TRIM16: variants seen among roughly 807,000 people sequenced by gnomAD.
TRIM16 encodes the protein tripartite motif-containing protein 16.
A neutral mutation model predicts 50.4 loss-of-function variants in TRIM16; 33 were observed. That is an observed-to-expected ratio of 0.65 (90% CI 0.50 to 0.88). The LOEUF (loss-of-function observed/expected upper bound fraction) is 0.88, where lower values mean the gene tolerates loss of function less well. Ranked by LOEUF, TRIM16 falls within the 40% of genes least tolerant of loss-of-function variation. The pLI is 0.00. For missense variants in TRIM16, 581 were observed against 686.8 expected, an observed-to-expected ratio of 0.85 and a Z score of 1.72; for synonymous variants, 229 against 270.7, an observed-to-expected ratio of 0.85 and a Z score of 1.51.
intron 6 of TRIM16, among the ~76,000 whole-genome samples, chr17:15,661,546 G>C (rs1879489538): frequency 6.6e-6 from 1 of 152,170 alleles, no homozygotes; most frequent in South Asian, 2.1e-4. Flanking sequence ...CTGGGGCACT[G>C]TCTTCCACTG....
intron 9 of TRIM16, among the ~76,000 whole-genome samples, chr17:15,634,134 T>C (rs1249526825): frequency 3.5e-5 from 5 of 142,944 alleles, no homozygotes; most frequent in Non-Finnish European, 6.1e-5. Flanking sequence ...TCGAGACCAT[T>C]CTGGCTAACA....
At chr17:15,634,487 C>T (rs377257432) in intron 9 of TRIM16, among the ~76,000 whole-genome samples, 4 of 147,822 alleles carry the variant, frequency 2.7e-5, no homozygotes, top group Non-Finnish European at 6.0e-5. Context: ...AAAAATTAGC[C>T]GGGCATGGTG....
Position 15,637,957 on chromosome 17 carries a change from T to C in TRIM16, c.616-1688A>G, listed in dbSNP as rs369993193. Among the ~76,000 whole-genome samples the C allele has an allele frequency of 2.1e-5, 3 of 141,896 alleles. 1 individual carries two copies. The East Asian group carries it at 6.4e-4, about 30-fold the overall frequency. 93.1% of individuals were successfully genotyped at this position (141,896 alleles called of 152,430 possible). A position where few individuals can be genotyped will look rare whatever the true frequency, so the allele number is the denominator to read the frequency against. On this transcript the variant is annotated intron_variant, in intron 8 of 11. Coordinates refer to ENST00000649191, the MANE Select transcript of TRIM16 (RefSeq NM_001348119.1). ...TGATCTGTGACCTTACCCCCAACCC[T>C]GTGCTCTCTGAAACATGTGCTGTGT...
chr17:15,679,875 T>C (rs1989109575), intron 4 of TRIM16, among the ~76,000 whole-genome samples: 1 of 150,282 alleles, frequency 6.7e-6, no homozygotes. Flanking sequence ...AGGCGGAGCT[T>C]GCAGTGAGCT....
chr17:15,628,853 G>A lies in TRIM16; in HGVS notation c.1457C>T (p.Pro486Leu). 1.2e-6 allele frequency: 2 copies of A among 1,614,216 alleles called. No homozygotes were observed. The highest frequency in any genetic ancestry group is 3.3e-5 in the Admixed American group (2 of 60,024). ...CCTCCGGAAAGGGCCAGCTTTGAGT[G>A]GGGTCTCCATGTCACTGTACCAGGC... ...FTAWYSDMETPLKAGPFRRLG... is the reference protein window; with the variant it reads ...FTAWYSDMETLLKAGPFRRLG... Residue 486 changes from proline (P) to leucine (L), a missense_variant, in exon 12 of 12, where the codon CCA becomes CTA. Transcript: ENST00000649191.
Position 15,642,782 on chromosome 17 carries a change from C to T in TRIM16, c.554G>A (p.Arg185Gln), listed in dbSNP as rs544165543. 50 of 756,978 alleles carry T rather than the reference C, an allele frequency of 6.6e-5. 2 individuals are homozygous for T. The highest frequency in any genetic ancestry group is 1.5e-4 in the South Asian group (9 of 58,348). The allele number at this position is 756,978 out of a possible 1,614,324, so 46.9% of individuals were successfully genotyped here. A position where few individuals can be genotyped will look rare whatever the true frequency, so the allele number is the denominator to read the frequency against. The change falls in exon 8 of 12, where the codon CGG (arginine) becomes CAG (glutamine). Residue 185 changes from arginine to glutamine, a missense_variant. By Grantham distance (43) the Arg-to-Gln change is conservative. Transcript: ENST00000649191. Reference protein sequence around the residue: ...ELQCTQLDLERKLKLNENAIS... With the variant: ...ELQCTQLDLEQKLKLNENAIS... Reference sequence around the variant, plus strand: ...GGCATTTTCATTCAACTTGAGTTTCCGCTCCAAGTCTAACTGGGTGCACTG... The same window carrying T: ...GGCATTTTCATTCAACTTGAGTTTCTGCTCCAAGTCTAACTGGGTGCACTG...
intron 4 of TRIM16, among the ~76,000 whole-genome samples, chr17:15,680,328 A>AGGCCCTTAATAATAG: frequency 8.9e-6 from 1 of 112,264 alleles, no homozygotes; most frequent in South Asian, 2.8e-4. Flanking sequence ...TATATTGAGT[A>AGGCCCTTAATAATAG]GGCCCTTAAT....
intron 11 of TRIM16, 73 bp downstream of exon 11, chr17:15,631,546 A>G (rs1434839984): frequency 4.2e-6 from 6 of 1,415,966 alleles, no homozygotes; most frequent in Non-Finnish European, 5.9e-6. Flanking sequence ...TAGATGAGAG[A>G]TGGCGGTTCT....
intron 9 of TRIM16, 101 bp from the exon 10 acceptor site, chr17:15,632,775 AC>A (rs1320634481): frequency 7.4e-7 from 1 of 1,345,914 alleles, no homozygotes; most frequent in East Asian, 2.5e-5. Context: ...AAATGGGCTG[AC>A]GGTAATGTGT....
At position 15,651,486 on chromosome 17, in the gene TRIM16, C is replaced by T; in HGVS notation, c.124G>A (p.Glu42Lys). Residue 42 changes from glutamate (E) to lysine (K), a missense_variant, in exon 7 of 12, where the codon GAA (glutamate) becomes AAA (lysine). Transcript: ENST00000649191. ...PDSGSASPVE[E>K]EDVGSSEKLG... The stretch of plus-strand genomic sequence containing the variant: ...TTCTCCGAGGAGCCCACGTCCTCTT[C>T]TTCCACTGGGCTGGCTGACCCAGAA... The T allele has an allele frequency of 3.1e-6, 5 of 1,612,016 alleles. No individual in the cohort carries two copies. The South Asian group carries it at 4.4e-5, about 14-fold the overall frequency.
chr17:15,677,552 G>C, intron 5 of TRIM16, 23 bp downstream of exon 5: 5 of 1,047,408 alleles, frequency 4.8e-6, no homozygotes, highest in Non-Finnish European at 4.6e-6. Flanking sequence ...AGGTCAATCT[G>C]GGGTGGAAGG....
At chr17:15,632,753 T>C (rs1986498238) in intron 9 of TRIM16, 79 bp from the exon 10 acceptor site, 2 of 1,423,706 alleles carry the variant, frequency 1.4e-6, no homozygotes, top group South Asian at 1.6e-5. Flanking sequence ...TAAGTCACTT[T>C]TTGCATCTGT....
intron 6 of TRIM16, chr17:15,658,936 A>C: frequency 1.1e-6 from 1 of 932,348 alleles, no homozygotes; most frequent in Non-Finnish European, 1.3e-6. Flanking sequence ...TAACAAAGGA[A>C]CGAAATAAAG....
At chr17:15,683,294 C>T (rs767474738) in intron 1 of TRIM16, 137 bp from the exon 2 acceptor site, 119 of 693,400 alleles carry the variant, frequency 1.7e-4, no homozygotes, top group Non-Finnish European at 2.6e-4. Flanking sequence ...ACTTCGGCAG[C>T]CATTTAATCT....
Position 15,652,338 on chromosome 17 carries a change from T to C in TRIM16, c.-337-392A>G, listed in dbSNP as rs539993745. ...AATTTCTTTTTTTTTTTTTTGTATTTTTAGTAGAGACGGGGTTTCACCATC... is the reference window on the plus strand; with the variant it reads ...AATTTCTTTTTTTTTTTTTTGTATTCTTAGTAGAGACGGGGTTTCACCATC... On this transcript the variant is annotated intron_variant, in intron 6 of 11. Coordinates refer to ENST00000649191, the MANE Select transcript of TRIM16 (RefSeq NM_001348119.1). 1.4e-3 allele frequency among the ~76,000 whole-genome samples: 209 copies of C among 149,696 alleles called. 1 individual carries two copies. The highest frequency in any genetic ancestry group is 2.6e-3 in the Non-Finnish European group (175 of 67,328).
chr17:15,653,616 C>A (rs1987834611), intron 6 of TRIM16, among the ~76,000 whole-genome samples: 1 of 152,164 alleles, frequency 6.6e-6, no homozygotes, highest in Non-Finnish European at 1.5e-5. Context: ...CTTATAAGAA[C>A]ACCAGTAAGA....
intron 6 of TRIM16, among the ~76,000 whole-genome samples, chr17:15,672,535 A>G (rs1410256046): frequency 1.3e-5 from 2 of 151,860 alleles, no homozygotes; most frequent in Admixed American, 1.3e-4. Context: ...AGAGTTCAAG[A>G]CCAGTCTGGG....
intron 6 of TRIM16, among the ~76,000 whole-genome samples, chr17:15,661,644 G>A (rs1430235681): frequency 1.3e-5 from 2 of 152,118 alleles, no homozygotes; most frequent in African/African-American, 4.8e-5. Context: ...ATAATATATT[G>A]TTTGTTAGAT....
At chr17:15,678,637 T>C (rs1989048089) in intron 4 of TRIM16, among the ~76,000 whole-genome samples, 1 of 152,240 alleles carries the variant, frequency 6.6e-6, no homozygotes, top group Non-Finnish European at 1.5e-5. Context: ...TCAATCTATA[T>C]ACCCACTCAC....
Sources: allele counts gnomAD v4.1 joint callset (sites outside exome capture counted in the v4.1 genomes callset), GRCh38; gene constraint gnomAD v4.1.1; transcripts MANE v1.5; gene names NCBI Gene and HGNC (gene_info 2026-07-23, HGNC 2026-07-21).